Variants in HS3ST4 observed in about 807,000 individuals in gnomAD.
HS3ST4 encodes the protein heparan sulfate-glucosamine 3-sulfotransferase 4.
A neutral mutation model predicts 29.2 loss-of-function variants in HS3ST4; 17 were observed. The observed-to-expected ratio is 0.58, with a 90% confidence interval of 0.40 to 0.87. The LOEUF (loss-of-function observed/expected upper bound fraction) is 0.87, where lower values mean the gene tolerates loss of function less well. HS3ST4 is among the 40% of genes least tolerant of loss of function. HS3ST4 has a pLI of 0.00. For missense variants in HS3ST4, 627 were observed against 634.5 expected (o/e 0.99, Z 0.13); for synonymous variants, 314 against 285.7 (o/e 1.10, Z -1.00).
rs553411324 is a variant in HS3ST4 at position 25,975,864 on chromosome 16, C to A, written c.735-159748C>A. ...GCTACAGTGGCTAAATTGCATGATA[C>A]GCCATAATTTATTTAATTATTTACC... On this transcript the variant is annotated intron_variant, in intron 1 of 1. Transcript: ENST00000331351. Among the ~76,000 whole-genome samples, 5 of 152,258 alleles carry A rather than the reference C, an allele frequency of 3.3e-5. No homozygotes were observed. In the South Asian group the frequency reaches 8.3e-4, roughly 25 times the overall value.
At chr16:26,008,131 A>G (rs1179248069) in intron 1 of HS3ST4, among the ~76,000 whole-genome samples, 2 of 152,216 alleles carry the variant, frequency 1.3e-5, no homozygotes, top group Non-Finnish European at 2.9e-5. Context: ...TTAGCTATAC[A>G]TGTACACAGG....
intron 1 of HS3ST4, among the ~76,000 whole-genome samples, chr16:25,719,792 GC>G (rs1242508989): frequency 3.3e-5 from 5 of 152,162 alleles, no homozygotes; most frequent in Non-Finnish European, 7.4e-5. Flanking sequence ...ACATCCTCCT[GC>G]CCATAACTGG....
At chr16:26,126,918 T>G (rs1899351114) in intron 1 of HS3ST4, among the ~76,000 whole-genome samples, 1 of 152,118 alleles carries the variant, frequency 6.6e-6, no homozygotes, top group Non-Finnish European at 1.5e-5. Context: ...ACATCTTTTT[T>G]AGTCCACAAA....
chr16:25,934,494 A>G (rs184696158), intron 1 of HS3ST4, among the ~76,000 whole-genome samples: 105 of 152,332 alleles, frequency 6.9e-4, no homozygotes, highest in African/African-American at 2.5e-3. Flanking sequence ...CAGGAAAGGC[A>G]GCTTTGCAGC....
chr16:25,986,696 C>T lies in HS3ST4; in HGVS notation c.735-148916C>T, dbSNP rs989080385. 2.6e-5 allele frequency among the ~76,000 whole-genome samples: 4 copies of T among 152,198 alleles called. No homozygotes were observed. The East Asian group carries it at 5.8e-4, about 22-fold the overall frequency. On this transcript the variant is annotated intron_variant, in intron 1 of 1. Transcript: ENST00000331351. ...GCCGAGGCCATTTGGCATTCTGTTA[C>T]GGCGTTAATTTTTATGGAGAAGAAT...
At chr16:26,040,446 G>A (rs1413148809) in intron 1 of HS3ST4, among the ~76,000 whole-genome samples, 2 of 152,074 alleles carry the variant, frequency 1.3e-5, no homozygotes, top group African/African-American at 4.8e-5. Context: ...TGGGATTACA[G>A]GCGCATGCCA....
chr16:25,916,671 T>TTC (rs1567271914), intron 1 of HS3ST4, among the ~76,000 whole-genome samples: 3 of 148,458 alleles, frequency 2.0e-5, no homozygotes, highest in African/African-American at 7.5e-5. Context: ...CTCAAATGCA[T>TTC]TCTTTTTTTT....
chr16:26,060,255 A>G (rs566071760), intron 1 of HS3ST4, among the ~76,000 whole-genome samples: 1 of 152,222 alleles, frequency 6.6e-6, no homozygotes, highest in South Asian at 2.1e-4. Flanking sequence ...AAGCAGGTGC[A>G]GTCATTTGAG....
intron 1 of HS3ST4, among the ~76,000 whole-genome samples, chr16:26,027,175 C>G (rs1350585564): frequency 6.6e-6 from 1 of 152,154 alleles, no homozygotes; most frequent in Non-Finnish European, 1.5e-5. Flanking sequence ...AAACTCTGAA[C>G]TGGGGATTAC....
intron 1 of HS3ST4, among the ~76,000 whole-genome samples, chr16:25,771,396 T>G (rs563010000): frequency 7.9e-4 from 121 of 152,256 alleles, no homozygotes; most frequent in African/African-American, 2.8e-3. Context: ...GTGCTCTGTC[T>G]GCCCCAGCCA....
chr16:26,018,430 T>C (rs1057425426), intron 1 of HS3ST4, among the ~76,000 whole-genome samples: 8 of 152,184 alleles, frequency 5.3e-5, no homozygotes, highest in Non-Finnish European at 1.2e-4. Flanking sequence ...TTTTCAGTCA[T>C]GCAACGAACA....
At chr16:25,779,724 C>T (rs1966850952) in intron 1 of HS3ST4, among the ~76,000 whole-genome samples, 1 of 152,156 alleles carries the variant, frequency 6.6e-6, no homozygotes, top group South Asian at 2.1e-4. Context: ...AATACAAATT[C>T]TTTTTTCCAC....
chr16:25,790,428 AAAAC>A (rs1223770025), intron 1 of HS3ST4, among the ~76,000 whole-genome samples: 3 of 151,880 alleles, frequency 2.0e-5, no homozygotes, highest in Non-Finnish European at 4.4e-5. Context: ...AACATAAAGA[AAAAC>A]AAACAAATAA....
At chr16:25,728,476 A>G (rs1362010004) in intron 1 of HS3ST4, among the ~76,000 whole-genome samples, 2 of 152,260 alleles carry the variant, frequency 1.3e-5, no homozygotes. Context: ...TAAATAAAAT[A>G]AAGTATATAA....
intron 1 of HS3ST4, among the ~76,000 whole-genome samples, chr16:25,928,907 G>C (rs1968436655): frequency 6.6e-6 from 1 of 152,150 alleles, no homozygotes; most frequent in Non-Finnish European, 1.5e-5. Flanking sequence ...TGGGCACTTT[G>C]GGATACTTTA....
At chr16:25,736,440 C>A (rs1966610712) in intron 1 of HS3ST4, among the ~76,000 whole-genome samples, 1 of 152,164 alleles carries the variant, frequency 6.6e-6, no homozygotes, top group Non-Finnish European at 1.5e-5. Flanking sequence ...ATATAAAATT[C>A]TTGGCACTCA....
At chr16:25,770,080 T>A (rs58640694) in intron 1 of HS3ST4, among the ~76,000 whole-genome samples, 5,211 of 152,258 alleles carry the variant, frequency 0.034, 268 homozygotes, top group African/African-American at 0.12. Context: ...CCAGTAAAGA[T>A]CGTGGGACCG....
chr16:26,041,906 C>T (rs1435675850), intron 1 of HS3ST4, among the ~76,000 whole-genome samples: 2 of 152,162 alleles, frequency 1.3e-5, no homozygotes, highest in Non-Finnish European at 1.5e-5. Context: ...AGAATCCTTG[C>T]CCGATCTCGG....
At chr16:25,757,941 A>C (rs1174533012) in intron 1 of HS3ST4, among the ~76,000 whole-genome samples, 1 of 152,080 alleles carries the variant, frequency 6.6e-6, no homozygotes, top group Non-Finnish European at 1.5e-5. Context: ...AATGGAAGGT[A>C]ACTTTAGTTC....
Sources: gnomAD v4.1 joint callset for allele counts (sites outside exome capture counted in the v4.1 genomes callset) on GRCh38, gnomAD v4.1.1 for gene constraint, MANE v1.5 for transcripts, NCBI Gene and HGNC (gene_info 2026-07-23, HGNC 2026-07-21) for gene names.